Variants in FREM3 observed in about 807,000 individuals in gnomAD.
The protein encoded by FREM3 is FRAS1-related extracellular matrix protein 3.
FREM3 carries 105 observed loss-of-function variants against 129.1 expected under a neutral mutation model. The observed-to-expected ratio is 0.81, with a 90% CI of 0.69 to 0.96. The LOEUF (loss-of-function observed/expected upper bound fraction) is 0.96. Ranked by LOEUF, FREM3 falls within the 40% of genes least tolerant of loss-of-function variation. The pLI is 0.00. For missense variants in FREM3, 2,593 were observed against 2,666.3 expected, an observed-to-expected ratio of 0.97 and a Z score of 0.61; for synonymous variants, 1,014 against 1,044.9, an observed-to-expected ratio of 0.97 and a Z score of 0.57.
chr4:143,699,900 G>C lies in FREM3; in HGVS notation c.776C>G (p.Ser259Trp), dbSNP rs1336941731. ...GVRYQHTATSSPNRDYVPMMV... is the reference protein window; with the variant it reads ...GVRYQHTATSWPNRDYVPMMV... The stretch of plus-strand genomic sequence containing the variant: ...CATGGGCACGTAGTCACGGTTGGGC[G>C]AGGAGGTGGCTGTGTGCTGATAGCG... Residue 259 changes from serine (S) to tryptophan (W), a missense_variant, in exon 1 of 8, where the codon TCG becomes TGG. Ser to Trp is a radical substitution (Grantham distance 177, BLOSUM62 -3). Around this residue, in one of 2 missense-constraint regions of FREM3, gnomAD observed 2,276 missense variants for 2,267.2 expected, o/e 1.00. Transcript: ENST00000329798. The surrounding 1 kb of genome is among the most constrained non-coding windows in gnomAD (Gnocchi z 4.2). 1.3e-6 allele frequency: 2 copies of C among 1,536,566 alleles called. No homozygotes were observed. The highest frequency in any genetic ancestry group is 1.7e-6 in the Non-Finnish European group (2 of 1,146,774).
At chr4:143,693,052 T>C in intron 2 of FREM3, 61 bp downstream of exon 2, 2 of 850,098 alleles carry the variant, frequency 2.4e-6, no homozygotes, top group Non-Finnish European at 3.5e-6. Flanking sequence ...TAATTTTTTT[T>C]CCAATTTTAT....
At chr4:143,684,633 G>A (rs536877817) in intron 2 of FREM3, among the ~76,000 whole-genome samples, 4 of 152,170 alleles carry the variant, frequency 2.6e-5, no homozygotes, top group Admixed American at 6.5e-5. Flanking sequence ...TAGTTCATCA[G>A]CAATGGGTCC....
rs1030414098 is a variant in FREM3, at chr4:143,652,146, C to CTTTTTTTTT, written c.5276-24395_5276-24387dup. On this transcript the variant is annotated intron_variant, in intron 2 of 7. Transcript: ENST00000329798. ...TTCATTCAAATGGTCTTTTTCCTTT[C>CTTTTTTTTT]TTTTTTTTTTTTTTTTTTTTTTTTT... Among the ~76,000 whole-genome samples the CTTTTTTTTT allele has an allele frequency of 1.2e-4, 7 of 58,508 alleles. 2 individuals carry two copies. In the East Asian group the frequency reaches 6.1e-3, roughly 51 times the overall value. The allele number at this position is 58,508 out of a possible 152,430, so 38.4% of individuals were successfully genotyped here.
Position 143,695,771 on chromosome 4 carries a change from T to C in FREM3, c.4905A>G (p.Leu1635=), listed in dbSNP as rs1740554356. 4 of 1,537,284 alleles carry C rather than the reference T, an allele frequency of 2.6e-6. No individual in the cohort carries two copies. The highest frequency in any genetic ancestry group is 2.6e-6 in the Non-Finnish European group (3 of 1,146,918). ...TGTGTGTCGCCAGGGCAGTGTCTGG[T>C]AGGACATAGAAATCAGTGTGAGTGC... ...TDGTHTDFYV[L]PDTALATHKP... is the part of the protein sequence containing the mutation. The change falls in exon 1 of 8, where the codon CTA becomes CTG. Residue 1635 remains leucine (L), a synonymous_variant. Coordinates refer to ENST00000329798, the MANE Select transcript of FREM3 (RefSeq NM_001168235.2).
intron 1 of FREM3, among the ~76,000 whole-genome samples, chr4:143,694,173 T>G (rs1354431092): frequency 2.6e-5 from 4 of 152,204 alleles, no homozygotes; most frequent in Admixed American, 2.6e-4. Flanking sequence ...ACCCTGACTT[T>G]GTCACAGTGC....
At chr4:143,652,775 C>T (rs180803746) in intron 2 of FREM3, among the ~76,000 whole-genome samples, 4 of 152,270 alleles carry the variant, frequency 2.6e-5, no homozygotes, top group Non-Finnish European at 5.9e-5. Flanking sequence ...ATTACAGTTG[C>T]ATGCCTCCAT....
In FREM3 at chr4:143,585,739, T is replaced by A; in HGVS notation, c.6178+105A>T. On this transcript the variant is annotated intron_variant, in intron 7 of 7. Transcript: ENST00000329798. This position sits in a 1 kb window ranked among gnomAD's most constrained non-coding sequence, Gnocchi z 4.2. ...CGTGCTGAAGCCAGAGAAACTTTCA[T>A]TCAGAGTCCATCAACAAAGACTAAG... 1 of 1,174,952 alleles carries A rather than the reference T, an allele frequency of 8.5e-7. No individual in the cohort carries two copies. Among genetic ancestry groups the A allele is most frequent in the South Asian group, 1.6e-5 (1 of 60,736 alleles). 72.8% of individuals were successfully genotyped at this position (1,174,952 alleles called of 1,614,324 possible).
At chr4:143,684,527 C>T (rs1357083777) in intron 2 of FREM3, among the ~76,000 whole-genome samples, 1 of 152,228 alleles carries the variant, frequency 6.6e-6, no homozygotes, top group Non-Finnish European at 1.5e-5. Context: ...CCTAGACCTT[C>T]CCTCTGACAG....
At chr4:143,620,677 A>G (rs957459697) in intron 5 of FREM3, among the ~76,000 whole-genome samples, 8 of 152,250 alleles carry the variant, frequency 5.3e-5, no homozygotes, top group African/African-American at 1.9e-4. Flanking sequence ...ACTATTAAAA[A>G]TACGAATCTT....
intron 2 of FREM3, among the ~76,000 whole-genome samples, chr4:143,678,841 G>A (rs955123214): frequency 1.3e-5 from 2 of 151,960 alleles, no homozygotes; most frequent in Non-Finnish European, 2.9e-5. Flanking sequence ...AAATCCATTT[G>A]TGCTAGTTTA....
Position 143,698,632 on chromosome 4 carries a change from G to C in FREM3, c.2044C>G (p.Pro682Ala), listed in dbSNP as rs1578876565. The change falls in exon 1 of 8, where the codon CCA (proline) becomes GCA (alanine). Residue 682 changes from proline to alanine, a missense_variant. Pro to Ala is a conservative substitution (Grantham distance 27, BLOSUM62 -1). This residue lies in a region of FREM3 where 2,276 missense variants were observed against 2,267.2 expected (regional missense o/e 1.00). Coordinates refer to ENST00000329798, the MANE Select transcript of FREM3 (RefSeq NM_001168235.2). ...ATGTGCTGTTTGGAGAGATTGGGTG[G>C]GTCATGGTCATCCTGCACATGGAAA... ...LAFHVQDDHD[P>A]PNLSKQHIFT... 1 of 1,537,770 alleles carries C rather than the reference G, an allele frequency of 6.5e-7. No homozygotes were observed. Among genetic ancestry groups the C allele is most frequent in the East Asian group, 2.4e-5 (1 of 40,918 alleles).
chr4:143,612,356 T>G (rs1421329730), intron 5 of FREM3, among the ~76,000 whole-genome samples: 1 of 152,256 alleles, frequency 6.6e-6, no homozygotes, highest in African/African-American at 2.4e-5. Context: ...ATTCTTTCAT[T>G]TAGCACAATG....
At position 143,619,032 on chromosome 4, in the gene FREM3, AT is replaced by A. The variant is rs532903466; in HGVS notation, c.5779+2004del. ...CTCTAACTGTGGGGACTATAATAAC[AT>A]TGCTTAAAGTTGTTTTTCAGGAACT... On this transcript the variant is annotated intron_variant, in intron 5 of 7. Coordinates refer to ENST00000329798, the MANE Select transcript of FREM3 (RefSeq NM_001168235.2). Among the ~76,000 whole-genome samples, 41 of 152,210 alleles carry A rather than the reference AT, an allele frequency of 2.7e-4. No homozygotes were observed. In the South Asian group the frequency reaches 8.5e-3, roughly 32 times the overall value.
rs536546683 is a variant in FREM3 at position 143,669,217 on chromosome 4, C to T, written c.5275+23896G>A. On this transcript the variant is annotated intron_variant, in intron 2 of 7. Coordinates refer to ENST00000329798, the MANE Select transcript of FREM3 (RefSeq NM_001168235.2). ...GAGGCCTGTGAACCAGAAAAAATAA[C>T]CACATTAGGAACTAGGGTGCGTTAT... Among the ~76,000 whole-genome samples the T allele has an allele frequency of 2.3e-3, 351 of 151,996 alleles. 1 individual carries two copies. Among genetic ancestry groups the T allele is most frequent in the African/African-American group, 7.8e-3 (323 of 41,468 alleles).
At chr4:143,691,380 C>G (rs923612962) in intron 2 of FREM3, among the ~76,000 whole-genome samples, 1 of 151,644 alleles carries the variant, frequency 6.6e-6, no homozygotes, top group Non-Finnish European at 1.5e-5. Flanking sequence ...CTCATGTAAC[C>G]AAACACCACC....
At chr4:143,642,321 G>T (rs532459582) in intron 2 of FREM3, among the ~76,000 whole-genome samples, 1 of 151,904 alleles carries the variant, frequency 6.6e-6, no homozygotes, top group Non-Finnish European at 1.5e-5. Flanking sequence ...TTTATATAGC[G>T]AGTAGCCAAA....
intron 2 of FREM3, among the ~76,000 whole-genome samples, chr4:143,630,479 G>T (rs976907803): frequency 6.6e-6 from 1 of 151,896 alleles, no homozygotes; most frequent in Non-Finnish European, 1.5e-5. Flanking sequence ...CCTATATTTT[G>T]CCTGCCCCCA....
intron 2 of FREM3, among the ~76,000 whole-genome samples, chr4:143,641,026 C>A (rs544602789): frequency 3.0e-4 from 45 of 152,196 alleles, no homozygotes; most frequent in Middle Eastern, 6.8e-3. Context: ...TTCCTGAAAG[C>A]CATAATGCAC....
intron 6 of FREM3, among the ~76,000 whole-genome samples, chr4:143,595,701 CA>C (rs778780432): frequency 2.0e-5 from 3 of 152,026 alleles, no homozygotes; most frequent in Non-Finnish European, 2.9e-5. Flanking sequence ...TCCTGGCTAA[CA>C]CGGTGAAACC....
Sources: gnomAD v4.1 joint callset for allele counts (sites outside exome capture counted in the v4.1 genomes callset) on GRCh38, gnomAD v4.1.1 for gene constraint, gnomAD v4.1.1 regional missense constraint, Gnocchi (gnomAD v3.1) non-coding constraint, MANE v1.5 for transcripts, NCBI Gene and HGNC (gene_info 2026-07-23, HGNC 2026-07-21) for gene names.